PTK2: variants seen among roughly 807,000 people sequenced by gnomAD.
PTK2 encodes the protein protein tyrosine kinase 2.
PTK2 carries 45 observed loss-of-function variants against 150.1 expected under a neutral mutation model. The observed-to-expected ratio is 0.30, with a 90% CI of 0.24 to 0.38. The LOEUF (loss-of-function observed/expected upper bound fraction) is 0.38. Among genes scored for constraint, PTK2 ranks in the 10% least tolerant of loss-of-function variants. The probability of loss-of-function intolerance (pLI) is 1.00; values close to 1 mark genes in which losing one functional copy is unlikely to be tolerated. For synonymous variants in PTK2, 432 were observed against 449.2 expected, an observed-to-expected ratio of 0.96 and a Z score of 0.48; for missense variants, 919 against 1,307.3, an observed-to-expected ratio of 0.70 and a Z score of 4.58.
intron 29 of PTK2, among the ~76,000 whole-genome samples, chr8:140,671,832 T>C (rs1392345489): frequency 6.9e-6 from 1 of 144,142 alleles, no homozygotes; most frequent in South Asian, 2.2e-4. Context: ...CTTGGGATGA[T>C]GAGGCAGGAG....
chr8:140,949,865 G>C (rs1220722004), intron 1 of PTK2, among the ~76,000 whole-genome samples: 7 of 152,180 alleles, frequency 4.6e-5, no homozygotes, highest in Admixed American at 6.5e-5. Context: ...ACCAGTTACG[G>C]GTGGAGTCTA....
chr8:140,751,731 A>T (rs2100062816), intron 17 of PTK2, among the ~76,000 whole-genome samples: 1 of 152,106 alleles, frequency 6.6e-6, no homozygotes, highest in Non-Finnish European at 1.5e-5. Flanking sequence ...ACCTCAGGTG[A>T]TCTGCCTGCC....
At chr8:140,684,061 A>G (rs920815154) in intron 27 of PTK2, among the ~76,000 whole-genome samples, 3 of 152,232 alleles carry the variant, frequency 2.0e-5, no homozygotes, top group Non-Finnish European at 2.9e-5. Flanking sequence ...GGAAGAGAAG[A>G]GATCAAACTT....
chr8:140,697,911 T>C (rs910335739), intron 26 of PTK2, among the ~76,000 whole-genome samples: 15 of 134,478 alleles, frequency 1.1e-4, no homozygotes, highest in African/African-American at 3.9e-4. Context: ...CCCAGGCTAG[T>C]CTCAAACTCC....
intron 5 of PTK2, among the ~76,000 whole-genome samples, chr8:140,855,380 G>A (rs2100131910): frequency 6.6e-6 from 1 of 152,072 alleles, no homozygotes. Context: ...TGGATCACGA[G>A]GTCAGGAGAT....
intron 11 of PTK2, among the ~76,000 whole-genome samples, chr8:140,802,239 T>C (rs2100095513): frequency 6.6e-6 from 1 of 152,146 alleles, no homozygotes; most frequent in Admixed American, 6.5e-5. Flanking sequence ...AAGATGGTGA[T>C]ATGGATACTC....
intron 22 of PTK2, among the ~76,000 whole-genome samples, chr8:140,728,681 G>A (rs1046637786): frequency 3.3e-5 from 5 of 152,178 alleles, no homozygotes; most frequent in East Asian, 1.9e-4. Context: ...CACCACGCCC[G>A]GCTATTTTTT....
intron 1 of PTK2, among the ~76,000 whole-genome samples, chr8:140,977,393 G>C (rs2100189655): frequency 6.6e-6 from 1 of 152,172 alleles, no homozygotes; most frequent in Non-Finnish European, 1.5e-5. Context: ...GGAGGCCAAA[G>C]TGGGCAGATC....
chr8:140,887,053 A>G (rs563806292), intron 3 of PTK2, among the ~76,000 whole-genome samples: 26 of 152,330 alleles, frequency 1.7e-4, no homozygotes, highest in African/African-American at 5.3e-4. Context: ...TATGGCCAAG[A>G]TAAGTGATGT....
intron 14 of PTK2, among the ~76,000 whole-genome samples, chr8:140,785,468 T>C (rs2100084409): frequency 6.6e-6 from 1 of 152,182 alleles, no homozygotes; most frequent in Non-Finnish European, 1.5e-5. Context: ...CAGTGCACTA[T>C]AGAGCTCTGA....
chr8:140,692,372 TATGGGAGGCCGAG>T (rs1287918262), intron 26 of PTK2, among the ~76,000 whole-genome samples: 1 of 152,156 alleles, frequency 6.6e-6, no homozygotes, highest in Non-Finnish European at 1.5e-5. Context: ...ATCCCAGCAC[TATGGGAGGCCGAG>T]GTGGGTGGAT....
At chr8:140,904,158 A>G (rs2100159921) in intron 2 of PTK2, among the ~76,000 whole-genome samples, 1 of 152,160 alleles carries the variant, frequency 6.6e-6, no homozygotes, top group Admixed American at 6.5e-5. Context: ...AGCTCTTATT[A>G]TTTTGAGATA....
At chr8:140,768,188 A>G (rs1237630675) in intron 14 of PTK2, among the ~76,000 whole-genome samples, 1 of 151,970 alleles carries the variant, frequency 6.6e-6, no homozygotes, top group African/African-American at 2.4e-5. Flanking sequence ...TTGTACTATG[A>G]TCACCATCCC....
chr8:140,695,328 G>A (rs567430993), intron 26 of PTK2, among the ~76,000 whole-genome samples: 1 of 151,900 alleles, frequency 6.6e-6, no homozygotes, highest in Non-Finnish European at 1.5e-5. Flanking sequence ...TTATTTGAAT[G>A]ACCACTCAAC....
intron 14 of PTK2, among the ~76,000 whole-genome samples, chr8:140,774,951 C>G (rs1009246698): frequency 6.6e-6 from 1 of 152,208 alleles, no homozygotes; most frequent in African/African-American, 2.4e-5. Context: ...CACTAATAAT[C>G]CACCCCTTGT....
chr8:140,840,146 C>G (rs1014390298), intron 7 of PTK2, among the ~76,000 whole-genome samples: 1 of 152,210 alleles, frequency 6.6e-6, no homozygotes, highest in Non-Finnish European at 1.5e-5. Flanking sequence ...GCAGCCACAA[C>G]AAGCTGGGCT....
intron 5 of PTK2, among the ~76,000 whole-genome samples, chr8:140,849,564 T>C (rs2100127867): frequency 1.3e-5 from 2 of 152,104 alleles, no homozygotes; most frequent in South Asian, 4.2e-4. Flanking sequence ...TTACATGTAA[T>C]ATCTCATTTA....
At chr8:140,925,633 T>C (rs2154608377) in intron 2 of PTK2, 28 bp downstream of exon 2, 1 of 984,414 alleles carries the variant, frequency 1.0e-6, no homozygotes, top group Non-Finnish European at 1.2e-6. Flanking sequence ...TTCACTTTCT[T>C]TGCAAAGTTT....
intron 16 of PTK2, among the ~76,000 whole-genome samples, chr8:140,757,847 A>G (rs1051268894): frequency 7.9e-5 from 12 of 152,208 alleles, no homozygotes; most frequent in Admixed American, 7.2e-4. Context: ...AAAGAAGCTG[A>G]AAAATTCCTA....
Sources: allele counts gnomAD v4.1 joint callset (sites outside exome capture counted in the v4.1 genomes callset), GRCh38; gene constraint gnomAD v4.1.1; transcripts MANE v1.5; gene names NCBI Gene and HGNC (gene_info 2026-07-23, HGNC 2026-07-21).